ZNF385D: variants seen among roughly 807,000 people sequenced by gnomAD.
The protein encoded by ZNF385D is zinc finger protein 385D, also known as zinc finger protein 659.
Under a neutral mutation model 35.8 loss-of-function variants are expected in ZNF385D, and 15 were observed. The ratio of observed to expected loss-of-function variants is 0.42; its 90% CI spans 0.28 to 0.64. The LOEUF (loss-of-function observed/expected upper bound fraction) is 0.64, where lower values mean the gene tolerates loss of function less well. Ranked by LOEUF, ZNF385D falls within the 30% of genes least tolerant of loss-of-function variation. The pLI is 0.23. For synonymous variants in ZNF385D, 212 were observed against 186.8 expected, an observed-to-expected ratio of 1.13 and a Z score of -1.10; for missense variants, 474 against 494.6, an observed-to-expected ratio of 0.96 and a Z score of 0.39.
At chr3:21,643,597 G>A (rs6795488) in intron 2 of ZNF385D, among the ~76,000 whole-genome samples, 11,930 of 152,138 alleles carry the variant, frequency 0.078, 544 homozygotes, top group East Asian at 0.16. Context: ...AGGGAGTTCA[G>A]TAAAATGAAT....
chr3:21,907,986 A>G (rs1699766794), intron 3 of ZNF385D, among the ~76,000 whole-genome samples: 2 of 152,120 alleles, frequency 1.3e-5, no homozygotes, highest in African/African-American at 4.8e-5. Context: ...GGGTTTGTGA[A>G]AGGCTGAAAC....
At chr3:21,809,100 G>C (rs2125702592) in intron 3 of ZNF385D, among the ~76,000 whole-genome samples, 1 of 152,172 alleles carries the variant, frequency 6.6e-6, no homozygotes, top group Non-Finnish European at 1.5e-5. Context: ...ATGTCAACAG[G>C]ATTTGAGAAA....
intron 4 of ZNF385D, among the ~76,000 whole-genome samples, chr3:21,499,920 T>A (rs1038626281): frequency 6.6e-6 from 1 of 152,224 alleles, no homozygotes; most frequent in Non-Finnish European, 1.5e-5. Flanking sequence ...ATATGCTTTC[T>A]GCCCTCAGAT....
At chr3:22,237,224 A>C (rs570523220) in intron 2 of ZNF385D, among the ~76,000 whole-genome samples, 1 of 152,120 alleles carries the variant, frequency 6.6e-6, no homozygotes, top group Admixed American at 6.5e-5. Flanking sequence ...CATTCTCTGT[A>C]GTATAAAGTA....
At chr3:21,553,887 C>T (rs544046828) in intron 3 of ZNF385D, among the ~76,000 whole-genome samples, 1 of 152,300 alleles carries the variant, frequency 6.6e-6, no homozygotes, top group African/African-American at 2.4e-5. Context: ...TTCATCAATT[C>T]AATCACAGAT....
chr3:21,945,276 A>T (rs552962), intron 3 of ZNF385D, among the ~76,000 whole-genome samples: 122,130 of 151,928 alleles, frequency 0.8, 49,308 homozygotes, highest in East Asian at 0.98. Flanking sequence ...GCTGGGATAG[A>T]AAAATGATAA....
At chr3:22,296,424 A>G (rs1026115690) in intron 2 of ZNF385D, among the ~76,000 whole-genome samples, 3 of 152,108 alleles carry the variant, frequency 2.0e-5, no homozygotes, top group Admixed American at 6.6e-5. Context: ...CAGGAAGAAA[A>G]TGCTAAAATG....
intron 2 of ZNF385D, among the ~76,000 whole-genome samples, chr3:22,327,127 C>T (rs543033343): frequency 6.6e-6 from 1 of 151,962 alleles, no homozygotes; most frequent in Non-Finnish European, 1.5e-5. Context: ...TGAAGATTGT[C>T]GGAAAGTTTT....
intron 3 of ZNF385D, among the ~76,000 whole-genome samples, chr3:22,148,684 G>C (rs896041296): frequency 6.6e-6 from 1 of 152,142 alleles, no homozygotes. Context: ...GATCTACATG[G>C]TCGTAATTAG....
At chr3:22,039,322 T>C (rs1180521354) in intron 3 of ZNF385D, among the ~76,000 whole-genome samples, 2 of 151,252 alleles carry the variant, frequency 1.3e-5, no homozygotes, top group African/African-American at 4.9e-5. Flanking sequence ...GGCATGCTAT[T>C]CCCAGAAAAT....
At chr3:22,171,669 G>A (rs1320575905) in intron 2 of ZNF385D, among the ~76,000 whole-genome samples, 3 of 152,046 alleles carry the variant, frequency 2.0e-5, no homozygotes, top group African/African-American at 7.3e-5. Flanking sequence ...AAGGTCAGGA[G>A]ATCGAGACCA....
chr3:22,171,876 C>CAAAA (rs370469654), intron 2 of ZNF385D, among the ~76,000 whole-genome samples: 1,120 of 100,648 alleles, frequency 0.011, 50 homozygotes, highest in African/African-American at 0.04. Context: ...GACTCGGTCT[C>CAAAA]AAAAAAAAAA....
intron 3 of ZNF385D, among the ~76,000 whole-genome samples, chr3:21,948,666 T>A (rs1472087848): frequency 2.1e-5 from 3 of 144,014 alleles, no homozygotes; most frequent in East Asian, 4.3e-4. Context: ...TCTGCTATAA[T>A]CCATACACTT....
At chr3:22,087,547 T>G (rs1404677731) in intron 3 of ZNF385D, among the ~76,000 whole-genome samples, 1 of 152,082 alleles carries the variant, frequency 6.6e-6, no homozygotes, top group Non-Finnish European at 1.5e-5. Context: ...ACCAGGGAGA[T>G]TTTTCTTGGA....
At chr3:22,132,592 G>A (rs1197075314) in intron 3 of ZNF385D, among the ~76,000 whole-genome samples, 1 of 151,964 alleles carries the variant, frequency 6.6e-6, no homozygotes, top group African/African-American at 2.4e-5. Context: ...TATACTATAA[G>A]ACCAATGTTT....
chr3:22,027,909 C>A (rs1162655948), intron 3 of ZNF385D, among the ~76,000 whole-genome samples: 1 of 152,176 alleles, frequency 6.6e-6, no homozygotes, highest in Non-Finnish European at 1.5e-5. Context: ...TATGCAGGCA[C>A]TACCAAAAGT....
intron 2 of ZNF385D, among the ~76,000 whole-genome samples, chr3:22,320,916 T>A (rs1694380176): frequency 6.6e-6 from 1 of 151,932 alleles, no homozygotes; most frequent in Admixed American, 6.6e-5. Context: ...TTTAATTGCT[T>A]AGATGATTGT....
intron 2 of ZNF385D, among the ~76,000 whole-genome samples, chr3:22,228,915 A>G (rs1289255606): frequency 6.6e-6 from 1 of 152,206 alleles, no homozygotes; most frequent in Non-Finnish European, 1.5e-5. Context: ...ACCTATGCCA[A>G]TTGTTTGCCC....
chr3:21,907,423 T>C (rs1022645500), intron 3 of ZNF385D, among the ~76,000 whole-genome samples: 5 of 152,156 alleles, frequency 3.3e-5, no homozygotes, highest in East Asian at 3.8e-4. Context: ...TTCATATCAA[T>C]ATAGTTTTCT....
Sources: allele counts gnomAD v4.1 joint callset (sites outside exome capture counted in the v4.1 genomes callset), GRCh38; gene constraint gnomAD v4.1.1; transcripts MANE v1.5; gene names NCBI Gene and HGNC (gene_info 2026-07-23, HGNC 2026-07-21).